Variants in LINGO2 observed in about 807,000 individuals in gnomAD.
LINGO2 encodes the protein leucine rich repeat and Ig domain containing 2, also known as leucine-rich repeat and immunoglobulin-like domain-containing nogo receptor-interacting protein 2.
In LINGO2, 14 loss-of-function variants were observed where a neutral mutation model predicts 30.6. That is an observed-to-expected ratio of 0.46 (90% CI 0.30 to 0.72). The LOEUF (loss-of-function observed/expected upper bound fraction) is 0.72. Among genes scored for constraint, LINGO2 ranks in the 30% least tolerant of loss-of-function variants. The pLI, the probability that LINGO2 is intolerant of heterozygous loss-of-function variation, is 0.07. For missense variants in LINGO2, 729 were observed against 751.7 expected (o/e 0.97, Z 0.35); for synonymous variants, 317 against 288.5 (o/e 1.10, Z -1.00).
the LINGO2 span, among the ~76,000 whole-genome samples, chr9:28,804,754 C>G: frequency 6.6e-6 from 1 of 152,022 alleles, no homozygotes; most frequent in Non-Finnish European, 1.5e-5. Context: ...GTTTCTAGAT[C>G]ATTAAGTCAA....
chr9:28,084,307 T>C (rs1825849921), intron 4 of LINGO2, among the ~76,000 whole-genome samples: 1 of 152,164 alleles, frequency 6.6e-6, no homozygotes, highest in South Asian at 2.1e-4. Flanking sequence ...AGTCACTTGG[T>C]ATCTATTATG....
At chr9:28,127,100 G>T (rs1827258089) in intron 4 of LINGO2, among the ~76,000 whole-genome samples, 1 of 152,148 alleles carries the variant, frequency 6.6e-6, no homozygotes, top group Admixed American at 6.5e-5. Flanking sequence ...CTGGAACTCA[G>T]TTCTGCCTGT....
At chr9:28,700,053 T>G in the LINGO2 span, among the ~76,000 whole-genome samples, 1 of 152,054 alleles carries the variant, frequency 6.6e-6, no homozygotes, top group Non-Finnish European at 1.5e-5. Context: ...CTTTGAAGCA[T>G]GTGATCTTTG....
the LINGO2 span, among the ~76,000 whole-genome samples, chr9:28,739,212 T>A: frequency 6.6e-6 from 1 of 151,900 alleles, no homozygotes; most frequent in Admixed American, 6.6e-5. Flanking sequence ...ATCATAAAGG[T>A]CTCCCTATTT....
chr9:28,760,986 C>T, the LINGO2 span, among the ~76,000 whole-genome samples: 1 of 88,062 alleles, frequency 1.1e-5, no homozygotes, highest in Non-Finnish European at 2.6e-5. Flanking sequence ...CACCACCCCA[C>T]AGTTTCCTTA....
intron 1 of LINGO2, among the ~76,000 whole-genome samples, chr9:28,599,526 G>A (rs781276946): frequency 6.6e-6 from 1 of 152,100 alleles, no homozygotes; most frequent in Non-Finnish European, 1.5e-5. Flanking sequence ...TTCTATGAAT[G>A]AGGAACAGCT....
rs558588045 is a variant in LINGO2, at chr9:28,228,537, A to G, written c.-87+66671T>C. 1.2e-3 allele frequency among the ~76,000 whole-genome samples: 176 copies of G among 152,134 alleles called. 1 individual carries two copies. Among genetic ancestry groups the G allele is most frequent in the South Asian group, 7.0e-3 (34 of 4,826 alleles). On this transcript the variant is annotated intron_variant, in intron 4 of 5. Coordinates refer to ENST00000379992, the Ensembl canonical transcript of LINGO2. Reference sequence around the variant, plus strand: ...AAGATATTATTTCTGTTAATAAGCAATGTAATGATATTCATATATAAAGCA... The same window carrying G: ...AAGATATTATTTCTGTTAATAAGCAGTGTAATGATATTCATATATAAAGCA...
the LINGO2 span, among the ~76,000 whole-genome samples, chr9:29,156,875 T>A: frequency 1.3e-5 from 2 of 152,086 alleles, no homozygotes; most frequent in African/African-American, 4.8e-5. Flanking sequence ...GTACCTTAGA[T>A]CTAAATATTA....
the LINGO2 span, among the ~76,000 whole-genome samples, chr9:29,067,830 A>G: frequency 6.6e-6 from 1 of 151,414 alleles, no homozygotes; most frequent in Admixed American, 6.6e-5. Flanking sequence ...AAGAGAAAAT[A>G]GAGTGACACA....
chr9:28,094,728 TTTCA>T (rs1381128357), intron 4 of LINGO2, among the ~76,000 whole-genome samples: 2 of 152,120 alleles, frequency 1.3e-5, no homozygotes, highest in Non-Finnish European at 2.9e-5. Context: ...TTTTCATGTC[TTTCA>T]TTAACAACAT....
chr9:29,143,363 A>T, the LINGO2 span, among the ~76,000 whole-genome samples: 1 of 152,146 alleles, frequency 6.6e-6, no homozygotes, highest in African/African-American at 2.4e-5. Flanking sequence ...AACAAAAACA[A>T]TCTTGGAAGA....
intron 4 of LINGO2, among the ~76,000 whole-genome samples, chr9:28,206,419 T>C (rs182091101): frequency 6.6e-6 from 1 of 152,278 alleles, no homozygotes; most frequent in East Asian, 1.9e-4. Flanking sequence ...ATAATACTTT[T>C]AAACAGTGCT....
chr9:28,141,877 A>G (rs977313284), intron 4 of LINGO2, among the ~76,000 whole-genome samples: 1 of 152,134 alleles, frequency 6.6e-6, no homozygotes, highest in African/African-American at 2.4e-5. Flanking sequence ...GCGCCATTGC[A>G]CTCCAGCCTG....
At chr9:28,909,889 G>A in the LINGO2 span, among the ~76,000 whole-genome samples, 4 of 151,986 alleles carry the variant, frequency 2.6e-5, no homozygotes, top group South Asian at 6.2e-4. Flanking sequence ...CTTGCTGAGT[G>A]ACAAATTATT....
chr9:28,467,246 C>T (rs932935421), intron 2 of LINGO2, among the ~76,000 whole-genome samples: 13 of 152,066 alleles, frequency 8.5e-5, no homozygotes, highest in South Asian at 4.1e-4. Context: ...AGGATGGTCT[C>T]GATCTCCTGA....
the LINGO2 span, among the ~76,000 whole-genome samples, chr9:28,971,097 C>A: frequency 6.6e-6 from 1 of 152,092 alleles, no homozygotes; most frequent in Non-Finnish European, 1.5e-5. Flanking sequence ...GTTCCAGGCC[C>A]AAGTTCCTGG....
chr9:28,785,642 G>A, the LINGO2 span, among the ~76,000 whole-genome samples: 28 of 46,148 alleles, frequency 6.1e-4, no homozygotes, highest in African/African-American at 1.9e-3. Context: ...TCCCTCCCCC[G>A]CCACCCAGGG....
At chr9:28,197,711 T>C (rs1032959840) in intron 4 of LINGO2, among the ~76,000 whole-genome samples, 7 of 151,796 alleles carry the variant, frequency 4.6e-5, no homozygotes, top group Non-Finnish European at 7.4e-5. Flanking sequence ...GTAAATGAAA[T>C]TTAGAAAAAT....
chr9:28,080,845 T>C (rs1825753174), intron 4 of LINGO2: 1 of 152,176 alleles, frequency 6.6e-6, no homozygotes, highest in Non-Finnish European at 1.5e-5. Flanking sequence ...AAATGACTGA[T>C]AGCAGATACT....
Sources: gnomAD v4.1 joint callset for allele counts (sites outside exome capture counted in the v4.1 genomes callset) on GRCh38, gnomAD v4.1.1 for gene constraint, MANE v1.5 for transcripts, NCBI Gene and HGNC (gene_info 2026-07-23, HGNC 2026-07-21) for gene names.